Variants in PCDHA12 observed in about 807,000 individuals in gnomAD.
The protein encoded by PCDHA12 is protocadherin alpha 12.
Under a neutral mutation model 60.0 loss-of-function variants are expected in PCDHA12, and 44 were observed. That is an observed-to-expected ratio of 0.73 (90% CI 0.58 to 0.94). PCDHA12 has a LOEUF of 0.94. PCDHA12 is among the 40% of genes least tolerant of loss of function. PCDHA12 has a pLI of 0.00. For synonymous variants in PCDHA12, 569 were observed against 553.0 expected (o/e 1.03, Z -0.40); for missense variants, 1,276 against 1,239.7 (o/e 1.03, Z -0.44).
At chr5:140,907,099 C>T (rs2073164781) in intron 1 of PCDHA12, among the ~76,000 whole-genome samples, 1 of 152,108 alleles carries the variant, frequency 6.6e-6, no homozygotes, top group Admixed American at 6.5e-5. Flanking sequence ...GGTGCCACTT[C>T]CACTTCCACC....
intron 3 of PCDHA12, among the ~76,000 whole-genome samples, chr5:140,998,010 C>A (rs2097793505): frequency 6.6e-6 from 1 of 152,096 alleles, no homozygotes; most frequent in Admixed American, 6.6e-5. Flanking sequence ...GCCTTCCATC[C>A]CCACCTCGAG....
intron 1 of PCDHA12, among the ~76,000 whole-genome samples, chr5:140,885,103 C>G (rs1336980793): frequency 6.6e-6 from 1 of 152,018 alleles, no homozygotes; most frequent in Non-Finnish European, 1.5e-5. Context: ...CACATAAATG[C>G]TTTTTTTAAG....
rs782590821 is a variant in PCDHA12 at position 140,929,251 on chromosome 5, G to T, written c.2368-49698G>T. On this transcript the variant is annotated intron_variant, in intron 1 of 3. Transcript: ENST00000398631. ...CGACCTGCGAAATCTTGCCACTGGG[G>T]TAGGACTGAATTTGCCAATATCCTG... The T allele has an allele frequency of 3.1e-6, 5 of 1,613,416 alleles. No homozygotes were observed. Among genetic ancestry groups the T allele is most frequent in the African/African-American group, 1.3e-5 (1 of 74,908 alleles).
intron 1 of PCDHA12, among the ~76,000 whole-genome samples, chr5:140,955,521 TC>T (rs2095199105): frequency 6.6e-6 from 1 of 152,142 alleles, no homozygotes; most frequent in Non-Finnish European, 1.5e-5. Context: ...TGCTTTCCCT[TC>T]CACCATGATT....
chr5:140,907,517 G>A (rs1174112923), intron 1 of PCDHA12, among the ~76,000 whole-genome samples: 3 of 152,192 alleles, frequency 2.0e-5, no homozygotes, highest in Non-Finnish European at 4.4e-5. Flanking sequence ...TTCCAGTGAG[G>A]ACAAATCGCT....
intron 3 of PCDHA12, among the ~76,000 whole-genome samples, chr5:140,999,039 T>C (rs1554256567): frequency 6.6e-6 from 1 of 152,214 alleles, no homozygotes; most frequent in Admixed American, 6.5e-5. Flanking sequence ...CTTCGTCCAG[T>C]GTGCTTTCCA....
intron 1 of PCDHA12, among the ~76,000 whole-genome samples, chr5:140,881,116 TG>T (rs1181000408): frequency 3.3e-5 from 5 of 152,242 alleles, no homozygotes; most frequent in African/African-American, 7.2e-5. Flanking sequence ...CCTGGGATTT[TG>T]TGGCTTGGTA....
chr5:140,887,801 G>T (rs1377550372), intron 1 of PCDHA12, among the ~76,000 whole-genome samples: 1 of 151,856 alleles, frequency 6.6e-6, no homozygotes, highest in Non-Finnish European at 1.5e-5. Context: ...CTTTATTTTT[G>T]TCCATTTCTT....
At chr5:140,939,789 A>T (rs1259994967) in intron 1 of PCDHA12, among the ~76,000 whole-genome samples, 1 of 152,246 alleles carries the variant, frequency 6.6e-6, no homozygotes, top group African/African-American at 2.4e-5. Flanking sequence ...GTCAATTTCT[A>T]TAAATGTTCT....
At chr5:140,913,447 CG>C (rs2076342854) in intron 1 of PCDHA12, among the ~76,000 whole-genome samples, 1 of 152,026 alleles carries the variant, frequency 6.6e-6, no homozygotes, top group Non-Finnish European at 1.5e-5. Context: ...TTTTCAGCTC[CG>C]ATTTTATTTA....
At chr5:140,883,978 T>G in intron 1 of PCDHA12, 1 of 1,612,780 alleles carries the variant, frequency 6.2e-7, no homozygotes, top group Non-Finnish European at 8.5e-7. Flanking sequence ...CGCCCGGGGC[T>G]GGCAGCGCGG....
At chr5:140,945,838 G>A (rs1415502139) in intron 1 of PCDHA12, among the ~76,000 whole-genome samples, 2 of 151,896 alleles carry the variant, frequency 1.3e-5, no homozygotes, top group African/African-American at 4.8e-5. Context: ...AACTCAAAAT[G>A]GATTAAAGAC....
chr5:140,894,971 G>A (rs1231249838), intron 1 of PCDHA12, among the ~76,000 whole-genome samples: 1 of 152,010 alleles, frequency 6.6e-6, no homozygotes, highest in African/African-American at 2.4e-5. Context: ...ATTTTTTAAT[G>A]TCTTACTTTG....
intron 3 of PCDHA12, among the ~76,000 whole-genome samples, chr5:141,006,716 C>T (rs904868679): frequency 2.0e-5 from 3 of 151,786 alleles, no homozygotes; most frequent in Non-Finnish European, 2.9e-5. Flanking sequence ...ATTTAGGAGG[C>T]AGAAATGACA....
At chr5:140,951,545 G>T (rs1019007635) in intron 1 of PCDHA12, among the ~76,000 whole-genome samples, 2 of 151,950 alleles carry the variant, frequency 1.3e-5, no homozygotes, top group African/African-American at 4.8e-5. Flanking sequence ...GCAAGGGACG[G>T]GGGGAAGTGC....
At position 140,968,051 on chromosome 5, in the gene PCDHA12, C is replaced by A. The variant is rs1353005851; in HGVS notation, c.2368-10898C>A. On this transcript the variant is annotated intron_variant, in intron 1 of 3. Transcript: ENST00000398631. ...ACTGGTGGTGAGCGGCCCACTGGACCGAGAGCGGGTGGCTGTCTACAACAT... is the reference window on the plus strand; with the variant it reads ...ACTGGTGGTGAGCGGCCCACTGGACAGAGAGCGGGTGGCTGTCTACAACAT... The A allele has an allele frequency of 1.9e-6, 3 of 1,614,018 alleles. No homozygotes were observed. The Admixed American group carries it at 5.0e-5, about 27-fold the overall frequency.
chr5:140,914,755 T>G (rs1175753765), intron 1 of PCDHA12, among the ~76,000 whole-genome samples: 1 of 152,270 alleles, frequency 6.6e-6, no homozygotes, highest in East Asian at 1.9e-4. Flanking sequence ...CCATTTGAGG[T>G]TACATGAGGT....
intron 1 of PCDHA12, among the ~76,000 whole-genome samples, chr5:140,908,585 G>A (rs782742805): frequency 3.9e-5 from 6 of 152,160 alleles, no homozygotes; most frequent in South Asian, 4.1e-4. Flanking sequence ...AGAGTAGTTA[G>A]CTGCAGAAGA....
At chr5:140,998,853 T>G (rs575455675) in intron 3 of PCDHA12, among the ~76,000 whole-genome samples, 1 of 152,346 alleles carries the variant, frequency 6.6e-6, no homozygotes, top group South Asian at 2.1e-4. Flanking sequence ...GTGAGCCACA[T>G]GCCTGGCCTT....
Sources: gnomAD v4.1 joint callset for allele counts (sites outside exome capture counted in the v4.1 genomes callset) on GRCh38, gnomAD v4.1.1 for gene constraint, MANE v1.5 for transcripts, NCBI Gene and HGNC (gene_info 2026-07-23, HGNC 2026-07-21) for gene names.